Variants in FAM117A observed in about 807,000 individuals in gnomAD.
FAM117A encodes family with sequence similarity 117 member A, also known as protein FAM117A.
Under a neutral mutation model 44.1 loss-of-function variants are expected in FAM117A, and 21 were observed. That is an observed-to-expected ratio of 0.48 (90% CI 0.34 to 0.69). The LOEUF (loss-of-function observed/expected upper bound fraction) is 0.69. Among genes scored for constraint, FAM117A ranks in the 30% least tolerant of loss-of-function variants. The pLI, the probability that FAM117A is intolerant of heterozygous loss-of-function variation, is 0.01. For missense variants in FAM117A, 498 were observed against 589.9 expected (o/e 0.84, Z 1.61); for synonymous variants, 220 against 238.3 (o/e 0.92, Z 0.71).
At chr17:49,740,624 C>T (rs1014478176) in intron 1 of FAM117A, among the ~76,000 whole-genome samples, 7 of 152,196 alleles carry the variant, frequency 4.6e-5, no homozygotes, top group African/African-American at 1.7e-4. Context: ...CAAGAACCTG[C>T]TGATGAGATT....
rs148524983 is a variant in FAM117A at position 49,783,070 on chromosome 17, C to T, written c.-621+5427G>A. On this transcript the variant is annotated intron_variant, in intron 1 of 7. Coordinates refer to the FAM117A transcript ENST00000513602. ...TGGAATAAAAAAATGAAGGTTTATC[C>T]ATAATGGCAATTCCCTGGTCTTCTT... Among the ~76,000 whole-genome samples, 235 of 152,332 alleles carry T rather than the reference C, an allele frequency of 1.5e-3. 1 individual carries two copies. Among genetic ancestry groups the T allele is most frequent in the African/African-American group, 5.6e-3 (232 of 41,568 alleles).
chr17:49,719,842 C>T lies in FAM117A; in HGVS notation c.626G>A (p.Cys209Tyr), dbSNP rs766950126. Residue 209 changes from cysteine (C) to tyrosine (Y), a missense_variant, in exon 5 of 8, where the codon TGC becomes TAC. This residue lies in a region of FAM117A where 270 missense variants were observed against 277.4 expected (regional missense o/e 0.97). Transcript: ENST00000240364. The stretch of plus-strand genomic sequence containing the variant: ...GAGCCCTTCCAGGCTCCTGTGCAGG[C>T]AGGGGCTGAGTCGCAAGACAGGGGA... ...SGSPVLRLSPCLHRSLEGLNQ... is the reference protein window; with the variant it reads ...SGSPVLRLSPYLHRSLEGLNQ... The T allele has an allele frequency of 1.2e-6, 2 of 1,608,174 alleles. No individual in the cohort carries two copies. The highest frequency in any genetic ancestry group is 8.5e-7 in the Non-Finnish European group (1 of 1,178,008).
rs756938219 is a variant in FAM117A, at chr17:49,711,248, G to T, written c.*7C>A. Reference sequence around the variant, plus strand: ...CTCTATGGTAAAGTGGGGCAGGGGTGGGACCCTCAGACCATCAGGGAGCTC... The same window carrying T: ...CTCTATGGTAAAGTGGGGCAGGGGTTGGACCCTCAGACCATCAGGGAGCTC... On this transcript the variant is annotated 3_prime_UTR_variant, in exon 8 of 8. Transcript: ENST00000240364. The T allele has an allele frequency of 1.3e-6, 2 of 1,589,614 alleles. No individual in the cohort carries two copies. Among genetic ancestry groups the T allele is most frequent in the South Asian group, 1.1e-5 (1 of 88,346 alleles).
rs1313021429 is a variant in FAM117A at position 49,755,770 on chromosome 17, G to A, written c.196+8122C>T. Among the ~76,000 whole-genome samples the A allele has an allele frequency of 2.0e-5, 3 of 152,170 alleles. No individual in the cohort carries two copies. In the South Asian group the frequency reaches 6.2e-4, roughly 31 times the overall value. On this transcript the variant is annotated intron_variant, in intron 1 of 7. Coordinates refer to ENST00000240364, the MANE Select transcript of FAM117A (RefSeq NM_030802.4). ...TAGCTGAAGAGAGGTATTATAGAGG[G>A]GGAACAGTATGTGGGGACCAGAAGT... is the stretch of plus-strand genomic sequence containing the variant.
At chr17:49,748,478 G>A (rs1347364450) in intron 1 of FAM117A, among the ~76,000 whole-genome samples, 1 of 152,206 alleles carries the variant, frequency 6.6e-6, no homozygotes, top group Non-Finnish European at 1.5e-5. Flanking sequence ...GAGGAGGAAA[G>A]AGCCTGAGGA....
intron 1 of FAM117A, among the ~76,000 whole-genome samples, chr17:49,756,091 C>T (rs1238183256): frequency 1.3e-5 from 2 of 151,786 alleles, no homozygotes; most frequent in East Asian, 3.9e-4. Context: ...CTAGACAAGG[C>T]GAAACAATGT....
chr17:49,718,877 TATGGAAGGGGAATTGCTTGAACCCGG>T, intron 5 of FAM117A, among the ~76,000 whole-genome samples: 1 of 149,188 alleles, frequency 6.7e-6, no homozygotes, highest in East Asian at 2.0e-4. Flanking sequence ...CTGGGGAGGC[TATGGAAGGGGAATTGCTTGAACCCGG>T]GAGGCGGAGA....
intron 1 of FAM117A, among the ~76,000 whole-genome samples, chr17:49,745,032 A>AAAC (rs1555596754): frequency 1.4e-5 from 2 of 147,414 alleles, no homozygotes; most frequent in East Asian, 1.9e-4. Context: ...AAAAAAAAAA[A>AAAC]ACACACACAC....
At chr17:49,750,997 C>T (rs1036679478) in intron 1 of FAM117A, among the ~76,000 whole-genome samples, 6 of 151,924 alleles carry the variant, frequency 3.9e-5, no homozygotes, top group Admixed American at 1.3e-4. Flanking sequence ...AGAAAGGTTT[C>T]GGCTGGGTAC....
At chr17:49,761,099 G>C (rs1043193823) in intron 1 of FAM117A, among the ~76,000 whole-genome samples, 1 of 152,212 alleles carries the variant, frequency 6.6e-6, no homozygotes, top group Non-Finnish European at 1.5e-5. Context: ...AACACAGCAG[G>C]ATGTGTGGTG....
chr17:49,742,372 G>T (rs1467326919), intron 1 of FAM117A, among the ~76,000 whole-genome samples: 1 of 152,208 alleles, frequency 6.6e-6, no homozygotes, highest in East Asian at 1.9e-4. Context: ...TTGGCTCTTT[G>T]TAACAGTAAG....
At position 49,749,513 on chromosome 17, in the gene FAM117A, G is replaced by C. The variant is rs1417216050; in HGVS notation, c.196+14379C>G. 9.1e-5 allele frequency among the ~76,000 whole-genome samples: 11 copies of C among 121,294 alleles called. 2 individuals are homozygous for C. The highest frequency in any genetic ancestry group is 2.1e-4 in the Non-Finnish European group (11 of 51,590). 79.6% of individuals were successfully genotyped at this position (121,294 alleles called of 152,430 possible). A position where few individuals can be genotyped will look rare whatever the true frequency, so the allele number is the denominator to read the frequency against. On this transcript the variant is annotated intron_variant, in intron 1 of 7. Coordinates refer to ENST00000240364, the MANE Select transcript of FAM117A (RefSeq NM_030802.4). Reference sequence around the variant, plus strand: ...AATCGCCTGAATCTGGGAGGCAGAAGTTGCAGTGAGCCGAGATCGCGCCAC... The same window carrying C: ...AATCGCCTGAATCTGGGAGGCAGAACTTGCAGTGAGCCGAGATCGCGCCAC...
At position 49,761,094 on chromosome 17, in the gene FAM117A, A is replaced by C. The variant is rs571246706; in HGVS notation, c.196+2798T>G. 5.3e-5 allele frequency among the ~76,000 whole-genome samples: 8 copies of C among 152,336 alleles called. No homozygotes were observed. The East Asian group carries it at 1.5e-3, about 29-fold the overall frequency. ...GTCTAATATATCTTGTCAAGAACAC[A>C]GCAGGATGTGTGGTGGGGAGATAAC... On this transcript the variant is annotated intron_variant, in intron 1 of 7. Transcript: ENST00000240364.
chr17:49,785,866 A>AAT (rs772820171), intron 1 of FAM117A, among the ~76,000 whole-genome samples: 14 of 152,240 alleles, frequency 9.2e-5, no homozygotes, highest in Non-Finnish European at 1.3e-4. Flanking sequence ...AGCCTGAGAA[A>AAT]ATAGAAAGGC....
intron 2 of FAM117A, among the ~76,000 whole-genome samples, chr17:49,726,604 G>C (rs1030383171): frequency 6.6e-6 from 1 of 152,220 alleles, no homozygotes; most frequent in Admixed American, 6.5e-5. Context: ...TGTGTCCCCA[G>C]TTTCCAGTGC....
At chr17:49,725,109 C>T (rs927928493) in intron 2 of FAM117A, among the ~76,000 whole-genome samples, 6 of 152,154 alleles carry the variant, frequency 3.9e-5, no homozygotes, top group African/African-American at 1.4e-4. Context: ...GCAAACCCAT[C>T]TCCCTCTCCT....
chr17:49,739,579 C>T (rs2073624710), intron 1 of FAM117A, among the ~76,000 whole-genome samples: 1 of 152,192 alleles, frequency 6.6e-6, no homozygotes, highest in South Asian at 2.1e-4. Context: ...ATCTGGGCAT[C>T]GGGTTCTGCC....
At chr17:49,722,979 C>T (rs561515713) in intron 2 of FAM117A, among the ~76,000 whole-genome samples, 7 of 152,288 alleles carry the variant, frequency 4.6e-5, no homozygotes, top group South Asian at 2.1e-4. Flanking sequence ...TTTATTCTCT[C>T]GCCCTCTACA....
chr17:49,717,494 C>T lies in FAM117A; in HGVS notation c.910+19G>A. 6.2e-7 allele frequency: 1 copy of T among 1,612,176 alleles called. No individual in the cohort carries two copies. Among genetic ancestry groups the T allele is most frequent in the South Asian group, 1.1e-5 (1 of 90,890 alleles). ...TGTGCCCCAGAGTCAGCCCTGCTGC[C>T]TCAGCCTTCGCGGCTTACCTTTGTC... On this transcript the variant is annotated intron_variant, in intron 6 of 7. Transcript: ENST00000240364.
Sources: allele counts gnomAD v4.1 joint callset (sites outside exome capture counted in the v4.1 genomes callset), GRCh38; gene constraint gnomAD v4.1.1; regional missense constraint gnomAD v4.1.1; transcripts MANE v1.5; gene names NCBI Gene and HGNC (gene_info 2026-07-23, HGNC 2026-07-21).